AOX1: variants seen among roughly 807,000 people sequenced by gnomAD.
The protein encoded by AOX1 is aldehyde oxidase 1, also known as aldehyde oxidase.
Under a neutral mutation model 169.5 loss-of-function variants are expected in AOX1, and 153 were observed. The observed-to-expected ratio is 0.90, with a 90% CI of 0.79 to 1.03. AOX1 has a LOEUF of 1.03. AOX1 is among the 50% of genes least tolerant of loss of function. AOX1 has a pLI of 0.00. For missense variants in AOX1, 1,656 were observed against 1,663.9 expected, an observed-to-expected ratio of 1.00 and a Z score of 0.08; for synonymous variants, 562 against 581.9, an observed-to-expected ratio of 0.97 and a Z score of 0.49.
intron 15 of AOX1, among the ~76,000 whole-genome samples, 199 bp downstream of exon 15, chr2:200,614,165 G>C (rs1205004716): frequency 6.6e-6 from 1 of 152,196 alleles, no homozygotes; most frequent in Admixed American, 6.5e-5. Context: ...AGAGCCAAGA[G>C]TTGATCAGGC....
intron 15 of AOX1, among the ~76,000 whole-genome samples, chr2:200,614,440 A>G (rs1457531681): frequency 6.6e-6 from 1 of 152,218 alleles, no homozygotes; most frequent in East Asian, 1.9e-4. Flanking sequence ...AAAGGGCTTC[A>G]TATGGTCCCT....
chr2:200,602,728 C>G (rs1034738273), intron 6 of AOX1, among the ~76,000 whole-genome samples: 2 of 152,204 alleles, frequency 1.3e-5, no homozygotes, highest in African/African-American at 4.8e-5. Flanking sequence ...ATTTGCTATC[C>G]CATGTCTTCA....
chr2:200,673,654 C>T (rs2036057170), downstream of AOX1, among the ~76,000 whole-genome samples: 1 of 152,258 alleles, frequency 6.6e-6, no homozygotes, highest in Non-Finnish European at 1.5e-5. Flanking sequence ...GGCACACACA[C>T]ATGCACATGC....
chr2:200,662,141 A>C (rs1027788789), intron 30 of AOX1, among the ~76,000 whole-genome samples: 2 of 152,238 alleles, frequency 1.3e-5, no homozygotes, highest in African/African-American at 2.4e-5. Context: ...TGGAAAGTGA[A>C]AGCTGTCTGA....
In AOX1 at chr2:200,662,966, T is replaced by C. The variant is rs1484332764; in HGVS notation, c.3540T>C (p.His1180=). The C allele has an allele frequency of 3.7e-6, 6 of 1,613,386 alleles. No homozygotes were observed. In the South Asian group the frequency reaches 5.5e-5, roughly 15 times the overall value. The change falls in exon 31 of 35, where the codon CAT becomes CAC. Residue 1180 remains histidine (H), a synonymous_variant. Coordinates refer to ENST00000374700, the MANE Select transcript of AOX1 (RefSeq NM_001159.4). ...AAATAGACTGCCTGACGGGGGATCA[T>C]AAGGTCAGTACCGGTTGGAAAGGTC... ...EVEIDCLTGD[H]KNIRTDIVMD...
At chr2:200,663,520 G>GA (rs2035866115) in intron 31 of AOX1, among the ~76,000 whole-genome samples, 2 of 148,334 alleles carry the variant, frequency 1.3e-5, no homozygotes, top group Admixed American at 6.7e-5. Context: ...GGGATGCTCT[G>GA]AAGAGATACA....
chr2:200,656,118 T>C (rs1458979007), intron 26 of AOX1, among the ~76,000 whole-genome samples: 1 of 152,226 alleles, frequency 6.6e-6, no homozygotes, highest in Non-Finnish European at 1.5e-5. Flanking sequence ...AAGGTTGCCT[T>C]GCAGGCTTTC....
At chr2:200,587,113 AC>A (rs1476849187) in intron 1 of AOX1, among the ~76,000 whole-genome samples, 7 of 147,472 alleles carry the variant, frequency 4.7e-5, no homozygotes, top group African/African-American at 1.9e-4. Flanking sequence ...CAAAAAAAAA[AC>A]CAAACAAAAC....
chr2:200,646,259 T>C (rs1401923896), intron 25 of AOX1, among the ~76,000 whole-genome samples: 2 of 152,158 alleles, frequency 1.3e-5, no homozygotes, highest in Non-Finnish European at 2.9e-5. Context: ...ACAGGTTGTG[T>C]CATTATTGTC....
In AOX1 at chr2:200,593,149, A is replaced by G. The variant is rs2034209455; in HGVS notation, c.49A>G (p.Ile17Val). The G allele has an allele frequency of 6.2e-7, 1 of 1,612,976 alleles. No homozygotes were observed. Among genetic ancestry groups the G allele is most frequent in the African/African-American group, 1.3e-5 (1 of 75,010 alleles). ...LLFYVNGRKVIEKNVDPETML... is the reference protein window; with the variant it reads ...LLFYVNGRKVVEKNVDPETML... ...TCTTATTTTCCCTTTGGTATAGGTGATAGAAAAAAATGTCGATCCTGAAAC... is the reference window on the plus strand; with the variant it reads ...TCTTATTTTCCCTTTGGTATAGGTGGTAGAAAAAAATGTCGATCCTGAAAC... The change falls in exon 2 of 35, where the codon ATA (isoleucine) becomes GTA (valine). Residue 17 changes from isoleucine (I) to valine (V), a missense_variant. Physicochemically the swap from Ile to Val is conservative, Grantham distance 29 (BLOSUM62 3). Transcript: ENST00000374700.
intron 26 of AOX1, 39 bp from the exon 27 acceptor site, chr2:200,656,803 A>G (rs757836073): frequency 7.2e-7 from 1 of 1,386,930 alleles, no homozygotes; most frequent in Non-Finnish European, 9.7e-7. Flanking sequence ...TGATAATATC[A>G]AAAAGATCAC....
intron 27 of AOX1, among the ~76,000 whole-genome samples, chr2:200,658,291 A>C (rs1449461813): frequency 2.6e-5 from 4 of 152,224 alleles, no homozygotes; most frequent in Non-Finnish European, 5.9e-5. Context: ...TTGATAAGTG[A>C]ATGAAAGTAT....
intron 18 of AOX1, 69 bp downstream of exon 18, chr2:200,621,315 G>A (rs1260728649): frequency 2.6e-6 from 4 of 1,547,406 alleles, no homozygotes; most frequent in Non-Finnish European, 3.5e-6. Context: ...TTTTCTTAAA[G>A]ATACCATCTA....
intron 12 of AOX1, among the ~76,000 whole-genome samples, chr2:200,610,305 C>T (rs1340268833): frequency 1.3e-5 from 2 of 152,072 alleles, no homozygotes; most frequent in African/African-American, 4.8e-5. Flanking sequence ...CTCCTGACCT[C>T]GGGTGATCCA....
intron 27 of AOX1, among the ~76,000 whole-genome samples, chr2:200,657,272 G>A (rs1378415477): frequency 6.8e-6 from 1 of 146,920 alleles, no homozygotes; most frequent in Non-Finnish European, 1.5e-5. Flanking sequence ...TGGGAGGATT[G>A]CTTGAGCCTG....
rs1434219364 is a variant in AOX1 at position 200,621,275 on chromosome 2, A to G, written c.2001+29A>G. ...CTGCATTTTTGCTTTCTATTTGAAAAATAACTTTCTCAGTTAACGGTGCTT... is the reference window on the plus strand; with the variant it reads ...CTGCATTTTTGCTTTCTATTTGAAAGATAACTTTCTCAGTTAACGGTGCTT... On this transcript the variant is annotated intron_variant, in intron 18 of 34. Coordinates refer to ENST00000374700, the MANE Select transcript of AOX1 (RefSeq NM_001159.4). The G allele has an allele frequency of 2.5e-6, 4 of 1,607,420 alleles. No homozygotes were observed. The South Asian group carries it at 4.5e-5, about 18-fold the overall frequency.
chr2:200,633,133 T>C (rs1052138637), intron 20 of AOX1, among the ~76,000 whole-genome samples: 4 of 152,244 alleles, frequency 2.6e-5, no homozygotes, highest in Middle Eastern at 3.4e-3. Flanking sequence ...AAGTAGTGTT[T>C]CTTTCTCATA....
In AOX1 at chr2:200,627,426, A is replaced by C. The variant is rs775372663; in HGVS notation, c.2198A>C (p.Lys733Thr). Residue 733 changes from lysine (K) to threonine (T), a missense_variant, in exon 20 of 35, where the codon AAA becomes ACA. Physicochemically the swap from Lys to Thr is moderately conservative, Grantham distance 78 (BLOSUM62 -1). Transcript: ENST00000374700. The part of the protein sequence containing the change: ...LEYGNVDEAF[K>T]VVDQILEGEI... ...TATGGAAATGTTGACGAAGCATTTAAAGTGGTTGATCAAATTCTTGAAGGT... is the reference window on the plus strand; with the variant it reads ...TATGGAAATGTTGACGAAGCATTTACAGTGGTTGATCAAATTCTTGAAGGT... 17 of 1,613,566 alleles carry C rather than the reference A, an allele frequency of 1.1e-5. No individual in the cohort carries two copies. Among genetic ancestry groups the C allele is most frequent in the Middle Eastern group, 1.7e-4 (1 of 6,054 alleles).
At chr2:200,644,393 G>T (rs2035411658) in intron 25 of AOX1, among the ~76,000 whole-genome samples, 1 of 152,062 alleles carries the variant, frequency 6.6e-6, no homozygotes. Context: ...TCTCTATTCT[G>T]TTCCACTGGT....
Sources: allele counts gnomAD v4.1 joint callset (sites outside exome capture counted in the v4.1 genomes callset), GRCh38; gene constraint gnomAD v4.1.1; transcripts MANE v1.5; gene names NCBI Gene and HGNC (gene_info 2026-07-23, HGNC 2026-07-21).